The following GALNT13 variants were observed in gnomAD, a reference collection of about 807,000 sequenced individuals.
The protein encoded by GALNT13 is UDP-GalNAc:polypeptide N-acetylgalactosaminyltransferase 13.
Under a neutral mutation model 64.2 loss-of-function variants are expected in GALNT13, and 28 were observed. The observed-to-expected ratio is 0.44, with a 90% CI of 0.32 to 0.60. The LOEUF is 0.60. Ranked by LOEUF, GALNT13 falls within the 20% of genes least tolerant of loss-of-function variation. The probability of loss-of-function intolerance (pLI) is 0.05; values close to 1 mark genes in which losing one functional copy is unlikely to be tolerated. For synonymous variants in GALNT13, 214 were observed against 224.6 expected (o/e 0.95, Z 0.42); for missense variants, 577 against 669.8 (o/e 0.86, Z 1.53).
intron 3 of GALNT13, among the ~76,000 whole-genome samples, chr2:153,989,696 A>G (rs949532774): frequency 5.9e-5 from 9 of 152,062 alleles, no homozygotes; most frequent in African/African-American, 2.2e-4. Context: ...TGCCATATTT[A>G]TGCACACTAC....
At chr2:153,258,000 A>T in the GALNT13 span, among the ~76,000 whole-genome samples, 2 of 152,158 alleles carry the variant, frequency 1.3e-5, no homozygotes, top group African/African-American at 4.8e-5. Flanking sequence ...TAACAGGCCC[A>T]GGAGCCCCAA....
At chr2:153,749,832 C>A in the GALNT13 span, among the ~76,000 whole-genome samples, 361 of 151,722 alleles carry the variant, frequency 2.4e-3, 1 homozygote, top group Non-Finnish European at 4.3e-3. Flanking sequence ...TTTCTTTTAT[C>A]TGATTGCTTT....
the GALNT13 span, among the ~76,000 whole-genome samples, chr2:153,328,634 G>A: frequency 6.6e-6 from 1 of 152,156 alleles, no homozygotes; most frequent in Non-Finnish European, 1.5e-5. Context: ...TCAAGCCTCA[G>A]TAATGGTGGA....
the GALNT13 span, among the ~76,000 whole-genome samples, chr2:153,345,693 TTCTTTCTTTC>T: frequency 2.2e-4 from 29 of 130,406 alleles, 1 homozygote; most frequent in East Asian, 5.3e-3. Flanking sequence ...CTTTCTTTCT[TTCTTTCTTTC>T]TCTTTCTCTC....
the GALNT13 span, among the ~76,000 whole-genome samples, chr2:153,442,003 A>G: frequency 2.0e-5 from 3 of 152,180 alleles, no homozygotes; most frequent in African/African-American, 7.2e-5. Context: ...AAGTGGTGAG[A>G]GAAGGCATCT....
chr2:153,326,888 A>T, the GALNT13 span, among the ~76,000 whole-genome samples: 1 of 152,154 alleles, frequency 6.6e-6, no homozygotes. Flanking sequence ...GTTTGAGACC[A>T]GCCTGACAAA....
At chr2:154,421,537 T>C (rs1488778632) in intron 11 of GALNT13, among the ~76,000 whole-genome samples, 1 of 152,098 alleles carries the variant, frequency 6.6e-6, no homozygotes, top group Non-Finnish European at 1.5e-5. Flanking sequence ...AAAAAGGAAT[T>C]GGATCTGAGA....
the GALNT13 span, among the ~76,000 whole-genome samples, chr2:153,348,407 AG>A: frequency 6.6e-5 from 10 of 152,174 alleles, no homozygotes; most frequent in Non-Finnish European, 1.5e-4. Flanking sequence ...ATGAATTCTA[AG>A]GTATACTTTG....
intron 8 of GALNT13, among the ~76,000 whole-genome samples, chr2:154,269,925 T>TATATATATATATATA (rs1421612508): frequency 5.7e-5 from 8 of 139,222 alleles, no homozygotes; most frequent in African/African-American, 1.9e-4. Flanking sequence ...TATATATATA[T>TATATATATATATATA]TTCTAAAGCA....
chr2:153,246,914 A>G, the GALNT13 span, among the ~76,000 whole-genome samples: 1 of 152,236 alleles, frequency 6.6e-6, no homozygotes, highest in Non-Finnish European at 1.5e-5. Context: ...TCTCACATGC[A>G]AAGACATACA....
chr2:153,452,194 A>C, the GALNT13 span, among the ~76,000 whole-genome samples: 2 of 152,230 alleles, frequency 1.3e-5, no homozygotes, highest in African/African-American at 4.8e-5. Context: ...CCAAACAACA[A>C]AACATACGGC....
the GALNT13 span, among the ~76,000 whole-genome samples, chr2:153,476,607 C>A: frequency 6.6e-6 from 1 of 152,170 alleles, no homozygotes; most frequent in East Asian, 1.9e-4. Flanking sequence ...AAATATCCTT[C>A]CCAGTTGGGG....
the GALNT13 span, among the ~76,000 whole-genome samples, chr2:153,863,010 A>G: frequency 6.6e-6 from 1 of 152,212 alleles, no homozygotes; most frequent in Admixed American, 6.5e-5. Flanking sequence ...CTTCACATCA[A>G]TTTGGCCACA....
At chr2:154,192,495 CA>C (rs1024095214) in intron 4 of GALNT13, among the ~76,000 whole-genome samples, 3 of 151,784 alleles carry the variant, frequency 2.0e-5, no homozygotes, top group African/African-American at 7.3e-5. Context: ...GTTATATTTA[CA>C]TTCACATGGA....
At chr2:153,202,921 A>G in the GALNT13 span, among the ~76,000 whole-genome samples, 2 of 152,106 alleles carry the variant, frequency 1.3e-5, no homozygotes, top group Admixed American at 6.5e-5. Context: ...TTATCTCACA[A>G]TTGATTGATT....
the GALNT13 span, among the ~76,000 whole-genome samples, chr2:153,405,026 C>T: frequency 6.6e-6 from 1 of 152,200 alleles, no homozygotes; most frequent in African/African-American, 2.4e-5. Flanking sequence ...CATACTACTG[C>T]TAGCCAGAGC....
chr2:154,076,385 C>G (rs544081595), intron 3 of GALNT13, among the ~76,000 whole-genome samples: 3 of 151,608 alleles, frequency 2.0e-5, no homozygotes, highest in African/African-American at 7.3e-5. Context: ...TATTCTTGCA[C>G]AAAGAGGGTG....
At chr2:153,426,950 A>G in the GALNT13 span, among the ~76,000 whole-genome samples, 193 of 152,002 alleles carry the variant, frequency 1.3e-3, 1 homozygote, top group African/African-American at 4.5e-3. Context: ...TTTCACACAC[A>G]TTTTTGCCTT....
rs142356696 is a variant in GALNT13, at chr2:154,206,354, T to G, written c.312-35676T>G. The stretch of plus-strand genomic sequence containing the variant: ...TTTTGTTTTTGAAATCATATATATA[T>G]AGAGAGAGAGATATATCTAGAGAGA... On this transcript the variant is annotated intron_variant, in intron 4 of 12. Transcript: ENST00000392825. 2.5e-3 allele frequency among the ~76,000 whole-genome samples: 380 copies of G among 152,036 alleles called. 3 individuals are homozygous for G. Among genetic ancestry groups the G allele is most frequent in the African/African-American group, 4.5e-3 (187 of 41,482 alleles).
Sources: gnomAD v4.1 joint callset for allele counts (sites outside exome capture counted in the v4.1 genomes callset) on GRCh38, gnomAD v4.1.1 for gene constraint, MANE v1.5 for transcripts, NCBI Gene and HGNC (gene_info 2026-07-23, HGNC 2026-07-21) for gene names.